The following KCTD16 variants were observed in gnomAD, a reference collection of about 807,000 sequenced individuals.
KCTD16 encodes potassium channel tetramerization domain containing 16.
A neutral mutation model predicts 33.2 loss-of-function variants in KCTD16; 13 were observed. The observed-to-expected ratio is 0.39, with a 90% CI of 0.25 to 0.62. The LOEUF (loss-of-function observed/expected upper bound fraction) is 0.62, where lower values mean the gene tolerates loss of function less well. Among genes scored for constraint, KCTD16 ranks in the 20% least tolerant of loss-of-function variants. The pLI, the probability that KCTD16 is intolerant of heterozygous loss-of-function variation, is 0.50. For missense variants in KCTD16, 441 were observed against 525.1 expected, an observed-to-expected ratio of 0.84 and a Z score of 1.57; for synonymous variants, 197 against 195.3, an observed-to-expected ratio of 1.01 and a Z score of -0.07.
intron 2 of KCTD16, among the ~76,000 whole-genome samples, chr5:144,189,049 T>C (rs538914938): frequency 6.6e-6 from 1 of 152,316 alleles, no homozygotes; most frequent in East Asian, 1.9e-4. Context: ...AACAATGATA[T>C]CAAAGGATGC....
intron 3 of KCTD16, among the ~76,000 whole-genome samples, chr5:144,237,035 C>G (rs1011999295): frequency 2.8e-4 from 42 of 152,154 alleles, no homozygotes; most frequent in African/African-American, 9.6e-4. Flanking sequence ...GTGATTAGTT[C>G]TAGATGGTTG....
chr5:144,312,430 C>T (rs745396581), intron 3 of KCTD16, among the ~76,000 whole-genome samples: 1 of 152,196 alleles, frequency 6.6e-6, no homozygotes, highest in African/African-American at 2.4e-5. Context: ...ATGGCTGTCC[C>T]TAAGCCCCTC....
At chr5:144,284,977 C>G (rs918925370) in intron 3 of KCTD16, among the ~76,000 whole-genome samples, 3 of 152,194 alleles carry the variant, frequency 2.0e-5, no homozygotes, top group African/African-American at 7.2e-5. Flanking sequence ...GGGTAAACCA[C>G]CACCATTTCA....
chr5:144,360,034 A>G (rs1158808651), intron 3 of KCTD16, among the ~76,000 whole-genome samples: 2 of 152,164 alleles, frequency 1.3e-5, no homozygotes, highest in Admixed American at 1.3e-4. Context: ...CTTACCTTCA[A>G]TGAAAACCTA....
intron 3 of KCTD16, among the ~76,000 whole-genome samples, chr5:144,392,955 G>C (rs1186015065): frequency 6.6e-6 from 1 of 152,042 alleles, no homozygotes; most frequent in African/African-American, 2.4e-5. Context: ...GAAATTTTGA[G>C]GTTGTTTGTT....
chr5:144,372,640 G>A (rs1296699310), intron 3 of KCTD16, among the ~76,000 whole-genome samples: 1 of 152,198 alleles, frequency 6.6e-6, no homozygotes, highest in East Asian at 1.9e-4. Context: ...GAAGGGTGAA[G>A]AGGTACTGAC....
intron 3 of KCTD16, among the ~76,000 whole-genome samples, chr5:144,344,785 A>T (rs1752742151): frequency 6.7e-6 from 1 of 150,236 alleles, no homozygotes; most frequent in Non-Finnish European, 1.5e-5. Flanking sequence ...ACCCTTGTGG[A>T]AGTCAGTGTG....
At position 144,387,484 on chromosome 5, in the gene KCTD16, A is replaced by C. The variant is rs181451306; in HGVS notation, c.833-86176A>C. ...TTCCTTCCTCCACACTAGAACTAAT[A>C]CCCAAGGGTAATAATTTTTCATTGT... On this transcript the variant is annotated intron_variant, in intron 3 of 3. Coordinates refer to ENST00000512467, the MANE Select transcript of KCTD16 (RefSeq NM_020768.4). Among the ~76,000 whole-genome samples the C allele has an allele frequency of 2.4e-4, 36 of 152,278 alleles. No individual in the cohort carries two copies. The East Asian group carries it at 5.8e-3, about 24-fold the overall frequency.
At chr5:144,373,822 C>G (rs1189219729) in intron 3 of KCTD16, among the ~76,000 whole-genome samples, 3 of 152,166 alleles carry the variant, frequency 2.0e-5, no homozygotes, top group Non-Finnish European at 4.4e-5. Flanking sequence ...TTAGTTAGCC[C>G]ATGTGATTAC....
intron 3 of KCTD16, among the ~76,000 whole-genome samples, chr5:144,305,480 A>G (rs1751577505): frequency 6.6e-6 from 1 of 152,182 alleles, no homozygotes; most frequent in African/African-American, 2.4e-5. Context: ...AGACAGAGAA[A>G]CCAGAGAGGC....
At chr5:144,333,038 C>T (rs1752396660) in intron 3 of KCTD16, among the ~76,000 whole-genome samples, 1 of 152,140 alleles carries the variant, frequency 6.6e-6, no homozygotes, top group South Asian at 2.1e-4. Context: ...CTCACCCTGG[C>T]CTTCCCACAA....
chr5:144,412,361 G>C (rs566934373), intron 3 of KCTD16, among the ~76,000 whole-genome samples: 2 of 152,254 alleles, frequency 1.3e-5, no homozygotes, highest in African/African-American at 4.8e-5. Context: ...ATGAAATCCT[G>C]TCATTTGCAG....
intron 2 of KCTD16, among the ~76,000 whole-genome samples, chr5:144,186,897 C>G (rs1235607798): frequency 6.6e-6 from 1 of 152,096 alleles, no homozygotes; most frequent in Non-Finnish European, 1.5e-5. Context: ...TATTCAACAC[C>G]TATTATGTGT....
intron 3 of KCTD16, among the ~76,000 whole-genome samples, chr5:144,369,151 C>T (rs1173516105): frequency 6.6e-6 from 1 of 152,092 alleles, no homozygotes; most frequent in Non-Finnish European, 1.5e-5. Flanking sequence ...GCTGCACTGC[C>T]CCATAGGACC....
chr5:144,420,405 T>C (rs1753182989), intron 3 of KCTD16, among the ~76,000 whole-genome samples: 6 of 152,044 alleles, frequency 3.9e-5, no homozygotes, highest in Admixed American at 3.9e-4. Flanking sequence ...TAAAGTATAA[T>C]AATAATAGCA....
intron 3 of KCTD16, among the ~76,000 whole-genome samples, chr5:144,331,563 A>G (rs1310460565): frequency 1.3e-5 from 2 of 152,170 alleles, no homozygotes; most frequent in Non-Finnish European, 1.5e-5. Context: ...GTGTTACCCT[A>G]GATGTGAAGC....
In KCTD16 at chr5:144,217,951, G is replaced by A. The variant is rs190325739; in HGVS notation, c.832+10405G>A. Among the ~76,000 whole-genome samples the A allele has an allele frequency of 4.6e-5, 7 of 152,250 alleles. No individual in the cohort carries two copies. In the East Asian group the frequency reaches 1.3e-3, roughly 29 times the overall value. ...ATAGGCAGATTTAGGTCTAGCCTCA[G>A]TTAGTTGCTGAGAGTTGTGTTTACT... On this transcript the variant is annotated intron_variant, in intron 3 of 3. Coordinates refer to ENST00000512467, the MANE Select transcript of KCTD16 (RefSeq NM_020768.4).
At chr5:144,208,724 C>CT (rs749424294) in intron 3 of KCTD16, among the ~76,000 whole-genome samples, 8 of 152,250 alleles carry the variant, frequency 5.3e-5, no homozygotes, top group Non-Finnish European at 7.4e-5. Context: ...GGTAGAGAGG[C>CT]TAGTGGGAAG....
chr5:144,453,507 T>G (rs1464235441), intron 3 of KCTD16, among the ~76,000 whole-genome samples: 2 of 152,146 alleles, frequency 1.3e-5, no homozygotes, highest in Non-Finnish European at 2.9e-5. Flanking sequence ...GGGGTTTTAG[T>G]GTTAGAAGCC....
Sources: gnomAD v4.1 joint callset for allele counts (sites outside exome capture counted in the v4.1 genomes callset) on GRCh38, gnomAD v4.1.1 for gene constraint, MANE v1.5 for transcripts, NCBI Gene and HGNC (gene_info 2026-07-23, HGNC 2026-07-21) for gene names.